Variants in INVS observed in about 807,000 individuals in gnomAD.
INVS encodes the protein inversin.
INVS carries 86 observed loss-of-function variants against 108.8 expected under a neutral mutation model. The ratio of observed to expected loss-of-function variants is 0.79; its 90% confidence interval spans 0.66 to 0.95. INVS has a LOEUF of 0.95. Ranked by LOEUF, INVS falls within the 40% of genes least tolerant of loss-of-function variation. The pLI is 0.00. For missense variants in INVS, 1,169 were observed against 1,297.4 expected (o/e 0.90, Z 1.52); for synonymous variants, 455 against 473.5 (o/e 0.96, Z 0.51).
chr9:100,193,002 A>G (rs1168197791), intron 3 of INVS, among the ~76,000 whole-genome samples: 1 of 145,826 alleles, frequency 6.9e-6, no homozygotes, highest in Non-Finnish European at 1.5e-5. Flanking sequence ...TTTCTGATAC[A>G]GGATTTTACT....
chr9:100,167,893 G>A (rs1017988476), intron 3 of INVS, among the ~76,000 whole-genome samples: 3 of 152,034 alleles, frequency 2.0e-5, no homozygotes, highest in Admixed American at 2.0e-4. Flanking sequence ...GATTCCAGTT[G>A]TCTAATATTA....
intron 3 of INVS, among the ~76,000 whole-genome samples, chr9:100,142,587 C>T (rs527874014): frequency 1.3e-5 from 2 of 152,160 alleles, no homozygotes; most frequent in East Asian, 1.9e-4. Flanking sequence ...AAGTCCGTGC[C>T]AGGAACAATG....
At position 100,242,807 on chromosome 9, in the gene INVS, G is replaced by A. The variant is rs1032834343; in HGVS notation, c.906+128G>A. 9.6e-6 allele frequency: 6 copies of A among 623,086 alleles called. No homozygotes were observed. In the African/African-American group the frequency reaches 1.1e-4, roughly 12 times the overall value. 38.6% of individuals were successfully genotyped at this position (623,086 alleles called of 1,614,324 possible). On this transcript the variant is annotated intron_variant, in intron 7 of 16. Transcript: ENST00000262457. ...ATGTACCCTTCACCTAGTTCACTCT[G>A]TTTTTATTTATTTATTTATTTATTT...
chr9:100,103,572 G>A (rs1233962016), intron 1 of INVS, among the ~76,000 whole-genome samples: 1 of 151,796 alleles, frequency 6.6e-6, no homozygotes, highest in Non-Finnish European at 1.5e-5. Context: ...AGGCTGCAAT[G>A]AGCTGACATC....
At chr9:100,268,583 A>T (rs1025376536) in intron 11 of INVS, among the ~76,000 whole-genome samples, 1 of 152,208 alleles carries the variant, frequency 6.6e-6, no homozygotes, top group African/African-American at 2.4e-5. Context: ...AAAATACTCT[A>T]GCAAAAATAA....
intron 11 of INVS, among the ~76,000 whole-genome samples, chr9:100,265,228 C>T (rs1254521833): frequency 1.3e-5 from 2 of 152,128 alleles, no homozygotes; most frequent in Non-Finnish European, 2.9e-5. Context: ...TAGGCGTGAG[C>T]TACCATGCCC....
At chr9:100,239,434 A>G (rs1428281163) in intron 5 of INVS, among the ~76,000 whole-genome samples, 8 of 152,256 alleles carry the variant, frequency 5.3e-5, no homozygotes, top group Admixed American at 3.3e-4. Context: ...ATACATACAT[A>G]TATACAAAAG....
chr9:100,296,965 T>C lies in INVS; in HGVS notation c.2835T>C (p.Leu945=). The change falls in exon 15 of 17, where the codon CTT becomes CTC. Residue 945 remains leucine, a synonymous_variant. Transcript: ENST00000262457. The part of the protein sequence containing the change: ...HLSHLRHMKQ[L]GAGDVDRWRQ... ...CCCACCTTCGGCATATGAAGCAGCTTGGAGCTGGAGATGTGGACAGATGGA... is the reference window on the plus strand; with the variant it reads ...CCCACCTTCGGCATATGAAGCAGCTCGGAGCTGGAGATGTGGACAGATGGA... The C allele has an allele frequency of 6.2e-7, 1 of 1,614,082 alleles. No individual in the cohort carries two copies. Among genetic ancestry groups the C allele is most frequent in the South Asian group, 1.1e-5 (1 of 91,068 alleles).
intron 10 of INVS, 67 bp downstream of exon 10, chr9:100,253,203 A>C (rs952774618): frequency 1.6e-6 from 2 of 1,264,168 alleles, no homozygotes; most frequent in Non-Finnish European, 2.3e-6. Flanking sequence ...TTTGTTGTAA[A>C]CATAAGTAAA....
chr9:100,121,809 ATTCTT>A (rs1827732793), intron 2 of INVS, among the ~76,000 whole-genome samples: 1 of 152,062 alleles, frequency 6.6e-6, no homozygotes, highest in South Asian at 2.1e-4. Context: ...ATTTGAAACT[ATTCTT>A]CTATTCTAAT....
intron 12 of INVS, among the ~76,000 whole-genome samples, chr9:100,273,451 T>C (rs1384119750): frequency 6.6e-6 from 1 of 151,214 alleles, no homozygotes; most frequent in Non-Finnish European, 1.5e-5. Flanking sequence ...ATATCTAGCC[T>C]ACTTTCACTA....
At chr9:100,157,267 CTTT>C (rs770493291) in intron 3 of INVS, among the ~76,000 whole-genome samples, 1 of 130,086 alleles carries the variant, frequency 7.7e-6, no homozygotes. Context: ...TCTTTTTTTT[CTTT>C]TTTTTTTTTT....
chr9:100,132,848 T>A (rs1828094335), intron 3 of INVS, among the ~76,000 whole-genome samples: 1 of 152,190 alleles, frequency 6.6e-6, no homozygotes, highest in Non-Finnish European at 1.5e-5. Flanking sequence ...CTCACGCCTG[T>A]AATCTCAGCA....
At chr9:100,100,660 T>C (rs1482580242) in intron 1 of INVS, among the ~76,000 whole-genome samples, 1 of 47,562 alleles carries the variant, frequency 2.1e-5, no homozygotes, top group African/African-American at 1.5e-4. Context: ...ATATAATATA[T>C]ATATTATATA....
chr9:100,241,788 C>T (rs1400681380), intron 6 of INVS, among the ~76,000 whole-genome samples: 1 of 152,210 alleles, frequency 6.6e-6, no homozygotes, highest in Non-Finnish European at 1.5e-5. Flanking sequence ...TTACTTTTCT[C>T]TGCTTGGCTT....
chr9:100,184,048 CTAAA>C (rs1158053460), intron 3 of INVS, among the ~76,000 whole-genome samples: 1 of 151,800 alleles, frequency 6.6e-6, no homozygotes, highest in African/African-American at 2.4e-5. Context: ...AACATTAACT[CTAAA>C]TAGACTTTGT....
intron 10 of INVS, among the ~76,000 whole-genome samples, chr9:100,256,394 G>GT (rs1288662595): frequency 2.0e-5 from 3 of 151,924 alleles, no homozygotes; most frequent in African/African-American, 7.3e-5. Flanking sequence ...TTTTTGAAGG[G>GT]TTTTTTGTGT....
intron 3 of INVS, among the ~76,000 whole-genome samples, chr9:100,143,460 G>T (rs900481135): frequency 3.9e-5 from 6 of 152,104 alleles, no homozygotes; most frequent in Admixed American, 3.9e-4. Flanking sequence ...CAGGGTAAGG[G>T]TGATTAGGTT....
intron 16 of INVS, among the ~76,000 whole-genome samples, chr9:100,298,825 G>A (rs934591218): frequency 2.0e-5 from 3 of 152,132 alleles, no homozygotes; most frequent in African/African-American, 7.2e-5. Flanking sequence ...GGAGTGGTGG[G>A]TGGGGTAGTT....
Sources: allele counts gnomAD v4.1 joint callset (sites outside exome capture counted in the v4.1 genomes callset), GRCh38; gene constraint gnomAD v4.1.1; transcripts MANE v1.5; gene names NCBI Gene and HGNC (gene_info 2026-07-23, HGNC 2026-07-21).